Variants in SOX5 observed in about 807,000 individuals in gnomAD.
SOX5 encodes the protein transcription factor SOX-5.
SOX5 carries 9 observed loss-of-function variants against 92.0 expected under a neutral mutation model. That is an observed-to-expected ratio of 0.10 (90% CI 0.06 to 0.17). The LOEUF (loss-of-function observed/expected upper bound fraction) is 0.17. Ranked by LOEUF, SOX5 falls within the 10% of genes least tolerant of loss-of-function variation. The pLI is 1.00. For missense variants in SOX5, 642 were observed against 944.5 expected, an observed-to-expected ratio of 0.68 and a Z score of 4.20; for synonymous variants, 344 against 336.3, an observed-to-expected ratio of 1.02 and a Z score of -0.25.
intron 2 of SOX5, among the ~76,000 whole-genome samples, 176 bp from the exon 3 acceptor site, chr12:23,846,369 C>A (rs1389018892): frequency 6.6e-6 from 1 of 152,164 alleles, no homozygotes; most frequent in Non-Finnish European, 1.5e-5. Context: ...TGAAATGTCA[C>A]TCTGCAAGAG....
intron 4 of SOX5, among the ~76,000 whole-genome samples, chr12:23,743,764 G>C (rs1458860059): frequency 1.3e-5 from 2 of 152,092 alleles, no homozygotes; most frequent in African/African-American, 4.8e-5. Context: ...CTCTGCATAG[G>C]TGGGTTTCAC....
intron 4 of SOX5, among the ~76,000 whole-genome samples, chr12:24,107,240 T>C (rs1367575418): frequency 6.6e-6 from 1 of 152,152 alleles, no homozygotes; most frequent in Non-Finnish European, 1.5e-5. Flanking sequence ...AATGTGAGTA[T>C]CTTTGGGGCA....
At chr12:24,397,342 TTACAGCATAAGA>T (rs2136574711) in intron 1 of SOX5, among the ~76,000 whole-genome samples, 1 of 152,216 alleles carries the variant, frequency 6.6e-6, no homozygotes, top group East Asian at 1.9e-4. Context: ...AGAAAATGCT[TTACAGCATAAGA>T]TCTTATCGCC....
intron 3 of SOX5, among the ~76,000 whole-genome samples, chr12:24,268,116 T>C (rs1943251616): frequency 6.6e-6 from 1 of 152,182 alleles, no homozygotes; most frequent in Non-Finnish European, 1.5e-5. Context: ...TTGATGTACG[T>C]TTTGAAATTA....
intron 2 of SOX5, among the ~76,000 whole-genome samples, chr12:24,309,132 A>G (rs1948917199): frequency 6.6e-6 from 1 of 152,214 alleles, no homozygotes; most frequent in East Asian, 1.9e-4. Flanking sequence ...AGGATGTTCT[A>G]CTTCACAAAC....
chr12:24,216,040 A>T lies in SOX5; in HGVS notation c.-76-2623T>A, dbSNP rs559223350. Among the ~76,000 whole-genome samples, 888 of 152,304 alleles carry T rather than the reference A, an allele frequency of 5.8e-3. 10 individuals are homozygous for T. Among genetic ancestry groups the T allele is most frequent in the African/African-American group, 0.02 (834 of 41,556 alleles). Reference sequence around the variant, plus strand: ...GTCATATAAGTATTAATATATTTTTAAAAATCTGGTCTTTGTCCCTGGTTC... The same window carrying T: ...GTCATATAAGTATTAATATATTTTTTAAAATCTGGTCTTTGTCCCTGGTTC... On this transcript the variant is annotated intron_variant, in intron 3 of 4. Transcript: ENST00000446891.
chr12:23,897,242 A>G (rs2097186450), intron 1 of SOX5, among the ~76,000 whole-genome samples: 1 of 152,128 alleles, frequency 6.6e-6, no homozygotes, highest in African/African-American at 2.4e-5. Context: ...TTAAATTTAA[A>G]GTGTGTTCCC....
chr12:23,943,174 T>C (rs371482349), intron 1 of SOX5, among the ~76,000 whole-genome samples: 86 of 152,132 alleles, frequency 5.7e-4, no homozygotes, highest in African/African-American at 1.9e-3. Context: ...ACAAATGCTT[T>C]CATTTCAGCA....
intron 1 of SOX5, among the ~76,000 whole-genome samples, chr12:23,904,855 C>A (rs1334246891): frequency 6.6e-6 from 1 of 152,142 alleles, no homozygotes; most frequent in Admixed American, 6.6e-5. Context: ...CCTTTTTGCT[C>A]TTCTCTTTGC....
intron 4 of SOX5, among the ~76,000 whole-genome samples, chr12:23,981,050 T>A (rs1346102821): frequency 6.6e-6 from 1 of 152,198 alleles, no homozygotes. Flanking sequence ...CTGAAGCTAG[T>A]CTGAAGCTAC....
intron 1 of SOX5, among the ~76,000 whole-genome samples, chr12:24,392,023 A>G (rs1393807924): frequency 6.6e-6 from 1 of 152,068 alleles, no homozygotes; most frequent in Non-Finnish European, 1.5e-5. Context: ...CACTTTCAAT[A>G]CTGAAACTCA....
At chr12:24,500,988 G>T (rs1948140716) in intron 1 of SOX5, among the ~76,000 whole-genome samples, 1 of 152,184 alleles carries the variant, frequency 6.6e-6, no homozygotes, top group Non-Finnish European at 1.5e-5. Flanking sequence ...GATGTGCTGT[G>T]TATGAAAGAA....
rs115164867 is a variant in SOX5, at chr12:23,643,595, G to A, written c.932-2698C>T. Among the ~76,000 whole-genome samples the A allele has an allele frequency of 7.8e-3, 1,190 of 152,294 alleles. 17 individuals are homozygous for A. Among genetic ancestry groups the A allele is most frequent in the African/African-American group, 0.027 (1,135 of 41,544 alleles). On this transcript the variant is annotated intron_variant, in intron 7 of 14. Transcript: ENST00000451604. ...GGTCCAAAAATTTGGACTGTGGGATGTACTAACATTTATACTCAGGCAGAT... is the reference window on the plus strand; with the variant it reads ...GGTCCAAAAATTTGGACTGTGGGATATACTAACATTTATACTCAGGCAGAT...
At chr12:24,003,966 A>G (rs12424336) in intron 4 of SOX5, among the ~76,000 whole-genome samples, 34,135 of 151,986 alleles carry the variant, frequency 0.22, 4,206 homozygotes, top group Middle Eastern at 0.35. Context: ...TCGCTAGAAC[A>G]GAACTGAGAA....
intron 11 of SOX5, among the ~76,000 whole-genome samples, chr12:23,555,090 A>G (rs913452592): frequency 7.9e-5 from 12 of 152,168 alleles, no homozygotes; most frequent in Admixed American, 1.3e-4. Flanking sequence ...GTGGAAATAC[A>G]TTTGAAAATT....
chr12:24,102,969 T>C (rs1946260848), intron 4 of SOX5, among the ~76,000 whole-genome samples: 1 of 152,170 alleles, frequency 6.6e-6, no homozygotes, highest in Non-Finnish European at 1.5e-5. Flanking sequence ...CAAGGTTGCC[T>C]TAGCAGTTTT....
At chr12:24,125,852 C>T (rs75668312) in intron 4 of SOX5, among the ~76,000 whole-genome samples, 7,721 of 152,288 alleles carry the variant, frequency 0.051, 262 homozygotes, top group Middle Eastern at 0.088. Context: ...TCCACCCACA[C>T]CATTCTGGTT....
chr12:24,048,978 A>G (rs1363660332), intron 4 of SOX5, among the ~76,000 whole-genome samples: 1 of 152,192 alleles, frequency 6.6e-6, no homozygotes, highest in East Asian at 1.9e-4. Flanking sequence ...TACTAAAAAA[A>G]CCCACTGAAT....
chr12:24,193,695 C>T (rs34925253), intron 4 of SOX5, among the ~76,000 whole-genome samples: 4,982 of 152,102 alleles, frequency 0.033, 99 homozygotes, highest in South Asian at 0.066. Context: ...CTATGTATGC[C>T]CACTATCACA....
Sources: allele counts gnomAD v4.1 joint callset (sites outside exome capture counted in the v4.1 genomes callset), GRCh38; gene constraint gnomAD v4.1.1; transcripts MANE v1.5; gene names NCBI Gene and HGNC (gene_info 2026-07-23, HGNC 2026-07-21).